Variants in KRT7 observed in about 807,000 individuals in gnomAD.
KRT7 encodes the protein keratin, type II cytoskeletal 7.
Under a neutral mutation model 42.8 loss-of-function variants are expected in KRT7, and 50 were observed. The observed-to-expected ratio is 1.17, with a 90% CI of 0.93 to 1.48. The LOEUF (loss-of-function observed/expected upper bound fraction) is 1.48, where lower values mean the gene tolerates loss of function less well. Ranked by LOEUF, KRT7 falls within the 40% of genes most tolerant of loss-of-function variation. The pLI is 0.00. For synonymous variants in KRT7, 268 were observed against 266.3 expected (o/e 1.01, Z -0.06); for missense variants, 588 against 637.6 (o/e 0.92, Z 0.84).
chr12:52,250,917 A>C (rs1453477941), downstream of KRT7, among the ~76,000 whole-genome samples: 1 of 152,192 alleles, frequency 6.6e-6, no homozygotes, highest in African/African-American at 2.4e-5. Flanking sequence ...CACATACGCA[A>C]ACCTACATGT....
chr12:52,248,851 G>A lies in KRT7; in HGVS notation c.*91G>A. 1.6e-6 allele frequency: 2 copies of A among 1,275,044 alleles called. No homozygotes were observed. The highest frequency in any genetic ancestry group is 2.1e-6 in the Non-Finnish European group (2 of 959,720). 79.0% of individuals were successfully genotyped at this position (1,275,044 alleles called of 1,614,324 possible). ...CTCCCATGCCTGGTCCCAAGACAGT[G>A]AGACAGTCTGGAAAGTGATGTCAGA... is the stretch of plus-strand genomic sequence containing the variant. On this transcript the variant is annotated 3_prime_UTR_variant, in exon 9 of 9. Coordinates refer to ENST00000331817, the MANE Select transcript of KRT7 (RefSeq NM_005556.4).
downstream of KRT7, among the ~76,000 whole-genome samples, chr12:52,255,194 C>T (rs1942320618): frequency 6.6e-6 from 1 of 152,192 alleles, no homozygotes; most frequent in African/African-American, 2.4e-5. Context: ...CAGAAAGAAG[C>T]TGGGCCGTGT....
chr12:52,248,353 T>C, intron 8 of KRT7, 142 bp downstream of exon 8: 2 of 961,840 alleles, frequency 2.1e-6, no homozygotes, highest in East Asian at 2.6e-5. Flanking sequence ...ACAGGTCCCC[T>C]GGAGCACATA....
chr12:52,233,418 G>T lies in KRT7; in HGVS notation c.122G>T (p.Gly41Val). Residue 41 changes from glycine to valine, a missense_variant, in exon 1 of 9, where the codon GGC (glycine) becomes GTC (valine). Physicochemically the swap from Gly to Val is moderately radical, Grantham distance 109 (BLOSUM62 -3). Coordinates refer to ENST00000331817, the MANE Select transcript of KRT7 (RefSeq NM_005556.4). The stretch of plus-strand genomic sequence containing the variant: ...GGCCTTGGCAGCAGCAGCCTCTACG[G>T]CCTCGGCGCCTCACGGCCGCGCGTG... ...PGGLGSSSLY[G>V]LGASRPRVAV... 2.6e-6 allele frequency: 4 copies of T among 1,555,848 alleles called. No individual in the cohort carries two copies. Among genetic ancestry groups the T allele is most frequent in the Non-Finnish European group, 3.5e-6 (4 of 1,158,376 alleles).
At position 52,243,015 on chromosome 12, in the gene KRT7, G is replaced by A; in HGVS notation, c.862G>A (p.Glu288Lys). Reference protein sequence around the residue: ...EAEAWYQTKFETLQAQAGKHG... With the variant: ...EAEAWYQTKFKTLQAQAGKHG... ...ACTCTCTGTATGGCCCCTCCAGTTT[G>A]AGACCCTCCAGGCCCAGGCTGGGAA... Residue 288 changes from glutamate to lysine, a missense_variant, in exon 6 of 9, where the codon GAG becomes AAG. Coordinates refer to ENST00000331817, the MANE Select transcript of KRT7 (RefSeq NM_005556.4). 6.2e-7 allele frequency: 1 copy of A among 1,612,520 alleles called. No homozygotes were observed. Among genetic ancestry groups the A allele is most frequent in the Non-Finnish European group, 8.5e-7 (1 of 1,179,172 alleles).
At chr12:52,238,131 A>T (rs1356198616) in intron 3 of KRT7, among the ~76,000 whole-genome samples, 1 of 152,218 alleles carries the variant, frequency 6.6e-6, no homozygotes, top group Admixed American at 6.5e-5. Context: ...AGGAATGAGT[A>T]AAAGTGAGGC....
chr12:52,248,240 G>A lies in KRT7; in HGVS notation c.1240+29G>A, dbSNP rs770392376. ...AGTCCTTGGCTGCGGCCCATGGGAA[G>A]CATCCCTTGTGCTGTTTAGATGGGG... On this transcript the variant is annotated intron_variant, in intron 8 of 8. Transcript: ENST00000331817. 5 of 1,612,522 alleles carry A rather than the reference G, an allele frequency of 3.1e-6. No homozygotes were observed. The South Asian group carries it at 5.5e-5, about 18-fold the overall frequency.
intron 4 of KRT7, among the ~76,000 whole-genome samples, chr12:52,240,758 T>C (rs553616906): frequency 7.0e-4 from 106 of 152,328 alleles, no homozygotes; most frequent in African/African-American, 2.5e-3. Context: ...TCAATAAAAA[T>C]AGCATCATGC....
chr12:52,241,489 G>A lies in KRT7; in HGVS notation c.711G>A (p.Gln237=), dbSNP rs374469235. Residue 237 remains glutamine (Q), a synonymous_variant, in exon 5 of 9, where the codon CAG becomes CAA. Transcript: ENST00000331817. The stretch of plus-strand genomic sequence containing the variant: ...CCCTACAGGAGTTGACAGAGCTGCA[G>A]TCCCAGATCTCCGACACATCTGTGG... ...TLNETELTEL[Q]SQISDTSVVL... The A allele has an allele frequency of 6.2e-7, 1 of 1,612,746 alleles. No individual in the cohort carries two copies. Among genetic ancestry groups the A allele is most frequent in the East Asian group, 2.2e-5 (1 of 44,794 alleles).
intron 6 of KRT7, among the ~76,000 whole-genome samples, chr12:52,244,809 G>A (rs1462568326): frequency 2.6e-5 from 4 of 152,226 alleles, no homozygotes; most frequent in African/African-American, 7.2e-5. Flanking sequence ...GACCAAACCC[G>A]GGGACTGTGA....
intron 5 of KRT7, chr12:52,241,839 A>G (rs568234481): frequency 2.1e-6 from 1 of 477,874 alleles, no homozygotes; most frequent in Non-Finnish European, 3.7e-6. Context: ...ATTAATCATT[A>G]TAATAGCTAA....
intron 5 of KRT7, 33 bp from the exon 6 acceptor site, chr12:52,242,979 T>G: frequency 3.1e-6 from 5 of 1,588,614 alleles, no homozygotes; most frequent in Non-Finnish European, 4.3e-6. Flanking sequence ...ACTGCCCATC[T>G]CTCTGCCATA....
At chr12:52,254,477 T>A (rs890667289), downstream of KRT7, 1 of 461,784 alleles carries the variant, frequency 2.2e-6, no homozygotes, top group African/African-American at 2.0e-5. Context: ...CTGGAAACCC[T>A]CTGTACGTGC....
chr12:52,246,950 C>G (rs1214787661), intron 7 of KRT7, among the ~76,000 whole-genome samples: 1 of 152,130 alleles, frequency 6.6e-6, no homozygotes, highest in Non-Finnish European at 1.5e-5. Flanking sequence ...CAAGGTCACA[C>G]AGCACGCAGA....
rs1396100241 is a variant in KRT7, at chr12:52,233,380, C to T, written c.84C>T (p.Ser28=). ...GCGGCGCCCAGGTGCGCCTGAGCTC[C>T]GCTCGCCCCGGCGGCCTTGGCAGCA... ...SGRGAQVRLS[S]ARPGGLGSSS... The change falls in exon 1 of 9, where the codon TCC becomes TCT. Residue 28 remains serine, a synonymous_variant. Coordinates refer to ENST00000331817, the MANE Select transcript of KRT7 (RefSeq NM_005556.4). The T allele has an allele frequency of 6.4e-7, 1 of 1,569,820 alleles. No individual in the cohort carries two copies. Among genetic ancestry groups the T allele is most frequent in the South Asian group, 1.2e-5 (1 of 85,918 alleles).
At position 52,233,542 on chromosome 12, in the gene KRT7, C is replaced by T. The variant is rs906501158; in HGVS notation, c.246C>T (p.Pro82=). Residue 82 remains proline, a synonymous_variant, in exon 1 of 9, where the codon CCC becomes CCT. Coordinates refer to ENST00000331817, the MANE Select transcript of KRT7 (RefSeq NM_005556.4). ...CCCCGCTGCGGCTGGACGCCGACCC[C>T]TCCCTCCAGCGGGTGCGCCAGGAGG... is the stretch of plus-strand genomic sequence containing the variant. ...LLAPLRLDAD[P]SLQRVRQEES... The T allele has an allele frequency of 1.9e-6, 3 of 1,613,234 alleles. No individual in the cohort carries two copies. The highest frequency in any genetic ancestry group is 2.5e-6 in the Non-Finnish European group (3 of 1,179,866).
At chr12:52,252,008 C>T (rs1592400582), downstream of KRT7, 1 of 676,364 alleles carries the variant, frequency 1.5e-6, no homozygotes. Flanking sequence ...TTTCAGGACC[C>T]ACAAAATGGA....
chr12:52,233,504 C>T lies in KRT7; in HGVS notation c.208C>T (p.Gln70Ter). 6.2e-7 allele frequency: 1 copy of T among 1,612,644 alleles called. No individual in the cohort carries two copies. Among genetic ancestry groups the T allele is most frequent in the Non-Finnish European group, 8.5e-7 (1 of 1,179,742 alleles). Residue 70 changes from glutamine to a stop codon, truncating the protein, a stop_gained, in exon 1 of 9, where the codon CAG (glutamine) becomes TAG (stop). Coordinates refer to ENST00000331817, the MANE Select transcript of KRT7 (RefSeq NM_005556.4). LOFTEE classifies it high-confidence loss of function. ...CGGCATCCGCGAGGTCACCATTAAC[C>T]AGAGCCTGCTGGCCCCGCTGCGGCT... ...GAGIREVTIN[Q>*]SLLAPLRLDA...
At chr12:52,235,096 C>A in intron 1 of KRT7, 59 bp from the exon 2 acceptor site, 1 of 1,523,482 alleles carries the variant, frequency 6.6e-7, no homozygotes, top group Non-Finnish European at 9.1e-7. Context: ...GTTCCTCAAT[C>A]CCGCTGTGGG....
Sources: gnomAD v4.1 joint callset for allele counts (sites outside exome capture counted in the v4.1 genomes callset) on GRCh38, gnomAD v4.1.1 for gene constraint, MANE v1.5 for transcripts, NCBI Gene and HGNC (gene_info 2026-07-23, HGNC 2026-07-21) for gene names.